Variants in NELL1 observed in about 807,000 individuals in gnomAD.
NELL1 encodes the protein protein kinase C-binding protein NELL1.
In NELL1, 76 loss-of-function variants were observed where a neutral mutation model predicts 107.4. The observed-to-expected ratio is 0.71, with a 90% CI of 0.59 to 0.86. The LOEUF (loss-of-function observed/expected upper bound fraction) is 0.86. NELL1 is among the 40% of genes least tolerant of loss of function. The pLI, the probability that NELL1 is intolerant of heterozygous loss-of-function variation, is 0.00. For missense variants in NELL1, 1,024 were observed against 1,005.5 expected, an observed-to-expected ratio of 1.02 and a Z score of -0.25; for synonymous variants, 353 against 341.2, an observed-to-expected ratio of 1.03 and a Z score of -0.38.
At chr11:20,937,734 T>A in intron 9 of NELL1, 52 bp from the exon 10 acceptor site, 1 of 1,348,052 alleles carries the variant, frequency 7.4e-7, no homozygotes, top group Non-Finnish European at 1.1e-6. Flanking sequence ...ACCTCTGAGG[T>A]CATTTTGTGG....
intron 16 of NELL1, among the ~76,000 whole-genome samples, chr11:21,551,407 C>CAGAAAA (rs1157305591): frequency 6.6e-6 from 1 of 151,996 alleles, no homozygotes; most frequent in South Asian, 2.1e-4. Context: ...AGAAGGCATC[C>CAGAAAA]CTGTCTTGTG....
intron 15 of NELL1, among the ~76,000 whole-genome samples, chr11:21,476,343 G>C (rs1854332822): frequency 6.6e-6 from 1 of 152,014 alleles, no homozygotes; most frequent in African/African-American, 2.4e-5. Flanking sequence ...ATCAATAGAG[G>C]GTAGCATACT....
intron 10 of NELL1, among the ~76,000 whole-genome samples, chr11:20,941,108 C>T (rs969513588): frequency 6.6e-6 from 1 of 152,126 alleles, no homozygotes. Context: ...CACTGCACTA[C>T]AGCCTGGGCG....
Position 21,440,168 on chromosome 11 carries a change from A to G in NELL1, c.1645+69220A>G, listed in dbSNP as rs149306878. Among the ~76,000 whole-genome samples the G allele has an allele frequency of 5.3e-3, 814 of 152,252 alleles. 6 individuals carry two copies. Among genetic ancestry groups the G allele is most frequent in the African/African-American group, 0.017 (699 of 41,576 alleles). On this transcript the variant is annotated intron_variant, in intron 15 of 19. Coordinates refer to ENST00000357134, the MANE Select transcript of NELL1 (RefSeq NM_006157.5). ...AGGCAACTGAAAAAAAGCTTCTTAT[A>G]GTAGATTTACCTAAACTAACACCTG...
At chr11:20,761,931 T>C (rs1180225855) in intron 2 of NELL1, among the ~76,000 whole-genome samples, 2 of 152,232 alleles carry the variant, frequency 1.3e-5, no homozygotes, top group African/African-American at 2.4e-5. Flanking sequence ...GTCTGAACTT[T>C]GAAGGGACCT....
At chr11:21,421,064 G>A (rs538787879) in intron 15 of NELL1, among the ~76,000 whole-genome samples, 2 of 152,274 alleles carry the variant, frequency 1.3e-5, no homozygotes, top group Admixed American at 1.3e-4. Flanking sequence ...AAAGGCCGTA[G>A]TATTTGCAGA....
chr11:20,693,457 C>T (rs1373679737), intron 2 of NELL1, among the ~76,000 whole-genome samples: 1 of 152,072 alleles, frequency 6.6e-6, no homozygotes, highest in Non-Finnish European at 1.5e-5. Context: ...GTGCTTCCTT[C>T]AGGAGCTCTT....
chr11:21,501,054 T>C (rs1430726193), intron 15 of NELL1, among the ~76,000 whole-genome samples: 1 of 152,162 alleles, frequency 6.6e-6, no homozygotes, highest in Non-Finnish European at 1.5e-5. Context: ...ACTTACTGTC[T>C]GTGAATATTA....
intron 2 of NELL1, among the ~76,000 whole-genome samples, chr11:20,754,769 A>AAAAATT (rs1856221565): frequency 1.3e-5 from 2 of 152,246 alleles, no homozygotes; most frequent in Admixed American, 6.5e-5. Flanking sequence ...AATGGATATA[A>AAAAATT]CACAAACAAT....
At chr11:20,910,168 T>C (rs899254179) in intron 5 of NELL1, among the ~76,000 whole-genome samples, 1 of 152,154 alleles carries the variant, frequency 6.6e-6, no homozygotes, top group Non-Finnish European at 1.5e-5. Flanking sequence ...GACTGGACCA[T>C]GTGTCTTTCA....
At chr11:20,999,073 T>C (rs765299068) in intron 12 of NELL1, among the ~76,000 whole-genome samples, 4 of 152,208 alleles carry the variant, frequency 2.6e-5, no homozygotes, top group Non-Finnish European at 5.9e-5. Flanking sequence ...TTGGTGTATA[T>C]GGTGGTTTGT....
intron 2 of NELL1, among the ~76,000 whole-genome samples, chr11:20,755,540 G>GT (rs1463795241): frequency 3.1e-4 from 6 of 19,158 alleles, no homozygotes; most frequent in Non-Finnish European, 3.6e-4. Context: ...GTGGGTTTTT[G>GT]TTTTTTTTTG....
chr11:20,844,617 A>G (rs141033066), intron 3 of NELL1, among the ~76,000 whole-genome samples: 114 of 152,240 alleles, frequency 7.5e-4, no homozygotes, highest in African/African-American at 2.5e-3. Context: ...TCTACCTGGC[A>G]GCGCCACGTG....
At chr11:20,835,704 G>A (rs1057357487) in intron 3 of NELL1, among the ~76,000 whole-genome samples, 3 of 152,162 alleles carry the variant, frequency 2.0e-5, no homozygotes, top group African/African-American at 7.2e-5. Context: ...AAAAAATGAT[G>A]CTTGCACAAT....
chr11:20,713,796 T>C (rs1393320994), intron 2 of NELL1, among the ~76,000 whole-genome samples: 2 of 152,192 alleles, frequency 1.3e-5, no homozygotes, highest in Non-Finnish European at 2.9e-5. Flanking sequence ...TAATAAGGGA[T>C]GGCTTCCCTG....
chr11:20,679,050 A>G (rs559645170), intron 2 of NELL1, among the ~76,000 whole-genome samples: 34 of 152,326 alleles, frequency 2.2e-4, no homozygotes, highest in Non-Finnish European at 3.5e-4. Context: ...AAGGGTGGTG[A>G]ATGTCTAGAG....
Position 20,887,770 on chromosome 11 carries a change from C to A in NELL1, c.603+2230C>A, listed in dbSNP as rs112703440. Among the ~76,000 whole-genome samples the A allele has an allele frequency of 7.3e-3, 1,108 of 152,162 alleles. 17 individuals are homozygous for A. The highest frequency in any genetic ancestry group is 0.025 in the African/African-American group (1,055 of 41,514). ...TATTAAAGTGGCCCTGGATTAGGTACCTTGGGAGTCCTGATGAAGAAAATA... is the reference window on the plus strand; with the variant it reads ...TATTAAAGTGGCCCTGGATTAGGTAACTTGGGAGTCCTGATGAAGAAAATA... On this transcript the variant is annotated intron_variant, in intron 5 of 19. Transcript: ENST00000357134.
intron 3 of NELL1, among the ~76,000 whole-genome samples, chr11:20,815,419 G>A (rs764098264): frequency 1.3e-5 from 2 of 152,162 alleles, no homozygotes; most frequent in African/African-American, 2.4e-5. Context: ...TAGTGATGTG[G>A]AGCATTTTTG....
At chr11:20,904,147 A>G (rs1209886205) in intron 5 of NELL1, among the ~76,000 whole-genome samples, 1 of 152,122 alleles carries the variant, frequency 6.6e-6, no homozygotes, top group African/African-American at 2.4e-5. Context: ...AGCATGGCAC[A>G]TGCATACATA....
Sources: allele counts gnomAD v4.1 joint callset (sites outside exome capture counted in the v4.1 genomes callset), GRCh38; gene constraint gnomAD v4.1.1; transcripts MANE v1.5; gene names NCBI Gene and HGNC (gene_info 2026-07-23, HGNC 2026-07-21).